Variants in PTRH1 observed in about 807,000 individuals in gnomAD.
PTRH1 encodes peptidyl-tRNA hydrolase 1 homolog.
PTRH1 carries 13 observed loss-of-function variants against 15.7 expected under a neutral mutation model. That is an observed-to-expected ratio of 0.83 (90% confidence interval 0.54 to 1.31). The LOEUF (loss-of-function observed/expected upper bound fraction) is 1.31. PTRH1 is among the 40% of genes most tolerant of loss of function. The pLI, the probability that PTRH1 is intolerant of heterozygous loss-of-function variation, is 0.00. For missense variants in PTRH1, 319 were observed against 296.2 expected, an observed-to-expected ratio of 1.08 and a Z score of -0.56; for synonymous variants, 139 against 136.7, an observed-to-expected ratio of 1.02 and a Z score of -0.12.
chr9:127,705,594 G>A lies in PTRH1; in HGVS notation c.205+9841C>T, dbSNP rs1842638526. Among the ~76,000 whole-genome samples, 1 of 152,254 alleles carries A rather than the reference G, an allele frequency of 6.6e-6. No homozygotes were observed. Among genetic ancestry groups the A allele is most frequent in the Admixed American group, 6.5e-5 (1 of 15,282 alleles). On this transcript the variant is annotated intron_variant, in intron 1 of 2. Transcript: ENST00000335223. The surrounding 1 kb of genome is among the most constrained non-coding windows in gnomAD (Gnocchi z 4.7). ...GGAATTCAGAGCTACCCCCTGCAATGGGCCTGGGGAAAAGAGAATAGAAAT... is the reference window on the plus strand; with the variant it reads ...GGAATTCAGAGCTACCCCCTGCAATAGGCCTGGGGAAAAGAGAATAGAAAT...
downstream of PTRH1, among the ~76,000 whole-genome samples, chr9:127,710,224 A>C (rs1205421239): frequency 1.3e-5 from 2 of 150,318 alleles, no homozygotes; most frequent in African/African-American, 4.9e-5. Context: ...TTGAGACTGC[A>C]GTGAGCTGTG....
In PTRH1 at chr9:127,705,528, G is replaced by A. The variant is rs894027012; in HGVS notation, c.205+9907C>T. Among the ~76,000 whole-genome samples the A allele has an allele frequency of 6.6e-6, 1 of 152,232 alleles. No homozygotes were observed. Among genetic ancestry groups the A allele is most frequent in the Non-Finnish European group, 1.5e-5 (1 of 68,042 alleles). On this transcript the variant is annotated intron_variant, in intron 1 of 2. Transcript: ENST00000335223. The surrounding 1 kb of genome is among the most constrained non-coding windows in gnomAD (Gnocchi z 4.7). Reference sequence around the variant, plus strand: ...GGTCTCCAAGCTGACACCCTCTGTGGGCTCCAGGCTGCCCGAGGGGCTGTG... The same window carrying A: ...GGTCTCCAAGCTGACACCCTCTGTGAGCTCCAGGCTGCCCGAGGGGCTGTG...
chr9:127,701,833 G>C (rs1842605557), intron 1 of PTRH1, among the ~76,000 whole-genome samples: 1 of 151,896 alleles, frequency 6.6e-6, no homozygotes, highest in African/African-American at 2.4e-5. Flanking sequence ...AGAATTGCTT[G>C]AACCTAGTAG....
chr9:127,710,093 C>T (rs951119184), downstream of PTRH1, among the ~76,000 whole-genome samples: 7 of 152,022 alleles, frequency 4.6e-5, no homozygotes, highest in Non-Finnish European at 7.4e-5. Context: ...GGCAACATAG[C>T]GACACTCCAT....
chr9:127,710,674 G>A (rs1245512900), downstream of PTRH1: 7 of 1,582,778 alleles, frequency 4.4e-6, no homozygotes, highest in Middle Eastern at 1.7e-4. Context: ...CATTGCTGGA[G>A]GAGCAGGTGC....
downstream of PTRH1, chr9:127,711,357 C>T (rs1842761637): frequency 6.2e-7 from 1 of 1,614,174 alleles, no homozygotes; most frequent in African/African-American, 1.3e-5. Flanking sequence ...CTGCAGATGG[C>T]CAGGGTCTCC....
intron 1 of PTRH1, among the ~76,000 whole-genome samples, chr9:127,697,178 GCA>G (rs1246335718): frequency 1.3e-5 from 2 of 152,128 alleles, no homozygotes; most frequent in African/African-American, 4.8e-5. Flanking sequence ...TTCAACTGAA[GCA>G]CAGTAACCTA....
chr9:127,710,560 G>C, downstream of PTRH1: 7 of 1,557,392 alleles, frequency 4.5e-6, no homozygotes, highest in Non-Finnish European at 6.1e-6. Context: ...CCTGTCCTCT[G>C]AGGCAGCCCA....
At chr9:127,714,912 G>GGC in intron 2 of PTRH1, 63 bp downstream of exon 2, 23 of 766,608 alleles carry the variant, frequency 3.0e-5, no homozygotes, top group East Asian at 5.6e-5. Context: ...CTCCCCTCTG[G>GGC]CCCCCGCGCC....
downstream of PTRH1, chr9:127,709,455 G>A: frequency 6.2e-7 from 1 of 1,613,786 alleles, no homozygotes; most frequent in Non-Finnish European, 8.5e-7. The surrounding 1 kb of genome is among the most constrained non-coding windows in gnomAD (Gnocchi z 4.7). Flanking sequence ...TGGCTGTGCA[G>A]GAGAAGATGT....
At chr9:127,698,857 C>T (rs1266987273) in intron 1 of PTRH1, among the ~76,000 whole-genome samples, 1 of 151,622 alleles carries the variant, frequency 6.6e-6, no homozygotes, top group Non-Finnish European at 1.5e-5. Flanking sequence ...CTGAATTAGC[C>T]GCCCCTGGAG....
chr9:127,711,291 C>T (rs200944218), downstream of PTRH1: 124 of 1,614,166 alleles, frequency 7.7e-5, no homozygotes, highest in African/African-American at 1.6e-3. Context: ...AAGGTGACCA[C>T]GAACCGGATG....
intron 1 of PTRH1, among the ~76,000 whole-genome samples, chr9:127,704,119 GAGAAA>G (rs1842624301): frequency 6.6e-6 from 1 of 152,178 alleles, no homozygotes; most frequent in Non-Finnish European, 1.5e-5. Flanking sequence ...GGGTTAGGGG[GAGAAA>G]TGGTGTTTTT....
chr9:127,715,383 G>A lies in PTRH1; in HGVS notation c.96+161C>T. The A allele has an allele frequency of 7.8e-7, 1 of 1,277,376 alleles. No individual in the cohort carries two copies. The highest frequency in any genetic ancestry group is 1.1e-6 in the Non-Finnish European group (1 of 908,058). 79.1% of individuals were successfully genotyped at this position (1,277,376 alleles called of 1,614,324 possible). A position where few individuals can be genotyped will look rare whatever the true frequency, so the allele number is the denominator to read the frequency against. ...AAGGCTGGGCAGGCAGGGCGCCCTA[G>A]TGCAGGAACGGAGCTTCAAGAAGTT... On this transcript the variant is annotated intron_variant, in intron 1 of 4. Coordinates refer to ENST00000543175, the MANE Select transcript of PTRH1 (RefSeq NM_001002913.3). The surrounding 1 kb of genome is among the most constrained non-coding windows in gnomAD (Gnocchi z 5.8).
chr9:127,712,386 G>T (rs756556736), downstream of PTRH1: 56 of 1,609,542 alleles, frequency 3.5e-5, no homozygotes, highest in Non-Finnish European at 4.8e-5. Context: ...GCAAGGGGAG[G>T]GGGAGTGAGC....
At chr9:127,706,803 G>T (rs1458247891) in intron 1 of PTRH1, among the ~76,000 whole-genome samples, 1 of 152,192 alleles carries the variant, frequency 6.6e-6, no homozygotes, top group Non-Finnish European at 1.5e-5. Context: ...CCAAAAAGTT[G>T]CCCTGGGAGC....
downstream of PTRH1, chr9:127,711,831 G>A (rs1360730547): frequency 2.6e-6 from 4 of 1,567,924 alleles, no homozygotes; most frequent in Non-Finnish European, 3.5e-6. Flanking sequence ...TCATCCTCAT[G>A]CTGACTAAGA....
At chr9:127,712,886 G>A (rs1159832814), downstream of PTRH1, 1 of 1,604,116 alleles carries the variant, frequency 6.2e-7, no homozygotes, top group Non-Finnish European at 8.5e-7. Context: ...GTAAGCAAGT[G>A]GCCCTGTGTG....
At chr9:127,703,822 G>C (rs1842622123) in intron 1 of PTRH1, among the ~76,000 whole-genome samples, 1 of 152,218 alleles carries the variant, frequency 6.6e-6, no homozygotes, top group African/African-American at 2.4e-5. Context: ...AGTTGGGCCG[G>C]CAGGGCCCAA....
Sources: allele counts gnomAD v4.1 joint callset (sites outside exome capture counted in the v4.1 genomes callset), GRCh38; gene constraint gnomAD v4.1.1; non-coding constraint Gnocchi (gnomAD v3.1); transcripts MANE v1.5; gene names NCBI Gene and HGNC (gene_info 2026-07-23, HGNC 2026-07-21).